Variants in ROBO1 observed in about 807,000 individuals in gnomAD.
ROBO1 encodes roundabout guidance receptor 1, also known as roundabout homolog 1.
In ROBO1, 149 loss-of-function variants were observed where a neutral mutation model predicts 195.9. The observed-to-expected ratio is 0.76, with a 90% CI of 0.67 to 0.87. The LOEUF is 0.87. ROBO1 is among the 40% of genes least tolerant of loss of function. The pLI is 0.00. For synonymous variants in ROBO1, 816 were observed against 733.2 expected, an observed-to-expected ratio of 1.11 and a Z score of -1.82; for missense variants, 1,933 against 2,068.3, an observed-to-expected ratio of 0.93 and a Z score of 1.27.
chr3:78,822,688 GCCTT>G lies in ROBO1; in HGVS notation c.500-75792_500-75789del, dbSNP rs567553198. 2.5e-3 allele frequency among the ~76,000 whole-genome samples: 387 copies of G among 152,266 alleles called. 1 individual carries two copies. Among genetic ancestry groups the G allele is most frequent in the African/African-American group, 9.0e-3 (373 of 41,560 alleles). ...TTTCTATGAGTTAAAAATTATTTCTGCCTTCCTCATTCTGGTCCAACTTAATGTC... is the reference window on the plus strand; with the variant it reads ...TTTCTATGAGTTAAAAATTATTTCTGCCTCATTCTGGTCCAACTTAATGTC... On this transcript the variant is annotated intron_variant, in intron 4 of 30. Transcript: ENST00000464233.
chr3:79,690,525 C>A (rs569667991), intron 1 of ROBO1, among the ~76,000 whole-genome samples: 1 of 152,094 alleles, frequency 6.6e-6, no homozygotes, highest in South Asian at 2.1e-4. Flanking sequence ...TTATGGACAC[C>A]ATGCTCTTAG....
At chr3:79,311,276 T>C (rs2033472780) in intron 2 of ROBO1, among the ~76,000 whole-genome samples, 1 of 152,146 alleles carries the variant, frequency 6.6e-6, no homozygotes, top group Non-Finnish European at 1.5e-5. Context: ...AATGAGGAGG[T>C]ATTCCAGAAA....
intron 2 of ROBO1, among the ~76,000 whole-genome samples, chr3:79,386,685 G>T (rs912630424): frequency 6.6e-6 from 1 of 152,076 alleles, no homozygotes; most frequent in East Asian, 1.9e-4. Context: ...TTCACGCATT[G>T]GTTGTGAGAT....
chr3:79,028,604 A>G (rs1482773462), intron 3 of ROBO1, among the ~76,000 whole-genome samples: 2 of 151,950 alleles, frequency 1.3e-5, no homozygotes, highest in Non-Finnish European at 2.9e-5. Context: ...ATATCCTATT[A>G]AAGCAATACA....
At chr3:78,924,674 T>G (rs1374976367) in intron 4 of ROBO1, among the ~76,000 whole-genome samples, 1 of 151,766 alleles carries the variant, frequency 6.6e-6, no homozygotes, top group Non-Finnish European at 1.5e-5. Context: ...AAATTAACTT[T>G]TTTCCTACCT....
intron 1 of ROBO1, among the ~76,000 whole-genome samples, chr3:79,642,019 GTTTTGTT>G (rs1192617143): frequency 3.9e-5 from 6 of 151,992 alleles, no homozygotes; most frequent in Non-Finnish European, 8.8e-5. Context: ...AGACTGTTTT[GTTTTGTT>G]TTTTGTTTTT....
At chr3:79,309,443 T>C (rs1158043271) in intron 2 of ROBO1, among the ~76,000 whole-genome samples, 3 of 151,830 alleles carry the variant, frequency 2.0e-5, no homozygotes, top group South Asian at 2.1e-4. Flanking sequence ...CAAAAAAATA[T>C]GAAAAGAAAT....
At chr3:79,450,503 AG>A (rs2039407551) in intron 2 of ROBO1, among the ~76,000 whole-genome samples, 1 of 152,172 alleles carries the variant, frequency 6.6e-6, no homozygotes, top group Admixed American at 6.5e-5. Context: ...ATAATGTATT[AG>A]TTTTATGAAA....
intron 2 of ROBO1, among the ~76,000 whole-genome samples, chr3:79,244,809 A>G (rs1352686971): frequency 6.6e-6 from 1 of 152,120 alleles, no homozygotes; most frequent in Non-Finnish European, 1.5e-5. Context: ...TACATTTTAG[A>G]AAGTGTTCAA....
At chr3:79,124,449 C>T (rs988484644) in intron 3 of ROBO1, among the ~76,000 whole-genome samples, 1 of 152,082 alleles carries the variant, frequency 6.6e-6, no homozygotes, top group Non-Finnish European at 1.5e-5. Context: ...AGTAAAATAT[C>T]AAGTCTATTA....
At chr3:79,434,652 T>C (rs889825157) in intron 2 of ROBO1, among the ~76,000 whole-genome samples, 30 of 152,162 alleles carry the variant, frequency 2.0e-4, no homozygotes, top group African/African-American at 6.8e-4. Context: ...GAAGACAGTG[T>C]GGCGATTCCT....
At chr3:79,551,974 CAG>C (rs1942529361) in intron 2 of ROBO1, among the ~76,000 whole-genome samples, 1 of 74,238 alleles carries the variant, frequency 1.3e-5, no homozygotes, top group African/African-American at 5.3e-5. Flanking sequence ...GATCTCTCTA[CAG>C]AGTTAAAAAA....
chr3:78,841,790 C>T (rs141897678), intron 4 of ROBO1, among the ~76,000 whole-genome samples: 91 of 152,086 alleles, frequency 6.0e-4, no homozygotes, highest in African/African-American at 2.0e-3. Flanking sequence ...AAGAAAAAGA[C>T]GAATGAGAGA....
chr3:78,890,535 T>A (rs552325879), intron 4 of ROBO1, among the ~76,000 whole-genome samples: 1 of 152,118 alleles, frequency 6.6e-6, no homozygotes, highest in African/African-American at 2.4e-5. Flanking sequence ...CAATTTGTTA[T>A]AGGAGCCCAA....
At chr3:78,746,617 G>C (rs2082663182) in intron 5 of ROBO1, 126 bp downstream of exon 5, 2 of 719,104 alleles carry the variant, frequency 2.8e-6, no homozygotes, top group Non-Finnish European at 4.1e-6. Context: ...TAAAAGAAAA[G>C]CTGAACATGG....
At chr3:79,025,631 C>T (rs1159748344) in intron 3 of ROBO1, among the ~76,000 whole-genome samples, 1 of 76,030 alleles carries the variant, frequency 1.3e-5, no homozygotes, top group Admixed American at 1.7e-4. Flanking sequence ...AACCACTTAT[C>T]TACTTCAATA....
chr3:78,909,249 A>G (rs536355912), intron 4 of ROBO1, among the ~76,000 whole-genome samples: 1 of 151,942 alleles, frequency 6.6e-6, no homozygotes, highest in Non-Finnish European at 1.5e-5. Context: ...TTTAAACAGA[A>G]AAAAAAATTC....
chr3:78,902,716 A>C (rs1450393641), intron 4 of ROBO1, among the ~76,000 whole-genome samples: 1 of 152,012 alleles, frequency 6.6e-6, no homozygotes, highest in East Asian at 1.9e-4. Flanking sequence ...GGTGGCAGGC[A>C]CCTGTAATCC....
chr3:79,588,870 C>T (rs777528437), intron 2 of ROBO1, among the ~76,000 whole-genome samples: 1 of 151,626 alleles, frequency 6.6e-6, no homozygotes, highest in Non-Finnish European at 1.5e-5. Context: ...TTACAACTCC[C>T]TTATCTTCTA....
Sources: allele counts gnomAD v4.1 joint callset (sites outside exome capture counted in the v4.1 genomes callset), GRCh38; gene constraint gnomAD v4.1.1; transcripts MANE v1.5; gene names NCBI Gene and HGNC (gene_info 2026-07-23, HGNC 2026-07-21).